The following DISC1 variants were observed in gnomAD, a reference collection of about 807,000 sequenced individuals.
The protein encoded by DISC1 is DISC1 scaffold protein.
Under a neutral mutation model 84.5 loss-of-function variants are expected in DISC1, and 57 were observed. That is an observed-to-expected ratio of 0.67 (90% CI 0.55 to 0.84). The LOEUF (loss-of-function observed/expected upper bound fraction) is 0.84, where lower values mean the gene tolerates loss of function less well. Among genes scored for constraint, DISC1 ranks in the 40% least tolerant of loss-of-function variants. DISC1 has a pLI of 0.00. For synonymous variants in DISC1, 411 were observed against 415.2 expected (o/e 0.99, Z 0.12); for missense variants, 1,000 against 1,057.8 (o/e 0.95, Z 0.76).
Position 232,009,366 on chromosome 1 carries a change from TATA to T in DISC1, c.2307+318_2307+320del. The T allele has an allele frequency of 1.1e-6, 1 of 889,032 alleles. No individual in the cohort carries two copies. Among genetic ancestry groups the T allele is most frequent in the South Asian group, 3.6e-5 (1 of 27,446 alleles). The allele number at this position is 889,032 out of a possible 1,614,324, so 55.1% of individuals were successfully genotyped here. On this transcript the variant is annotated intron_variant, in intron 11 of 12. Transcript: ENST00000439617. This position sits in a 1 kb window ranked among gnomAD's most constrained non-coding sequence, Gnocchi z 4.6. ...CATACATTATATATGTCATATATAA[TATA>T]GTTATTATATTCACTATAGATTATA...
chr1:231,987,344 G>A (rs1252900370), intron 10 of DISC1, among the ~76,000 whole-genome samples: 1 of 152,124 alleles, frequency 6.6e-6, no homozygotes, highest in South Asian at 2.1e-4. Context: ...TGCCTTCATC[G>A]TCAGCTGAAA....
chr1:231,950,028 C>T (rs1658033415), intron 9 of DISC1, among the ~76,000 whole-genome samples: 2 of 152,160 alleles, frequency 1.3e-5, no homozygotes, highest in African/African-American at 4.8e-5. Context: ...TAATGATGCA[C>T]ATGGAGCATC....
chr1:231,877,831 A>G (rs1304943943), intron 9 of DISC1, among the ~76,000 whole-genome samples: 1 of 152,246 alleles, frequency 6.6e-6, no homozygotes, highest in African/African-American at 2.4e-5. Flanking sequence ...ATGTGCATGG[A>G]ATCAGCTTAT....
rs570030654 is a variant in DISC1, at chr1:231,630,689, T to A, written c.67+3755T>A. Among the ~76,000 whole-genome samples the A allele has an allele frequency of 6.6e-6, 1 of 152,332 alleles. No individual in the cohort carries two copies. Among genetic ancestry groups the A allele is most frequent in the African/African-American group, 2.4e-5 (1 of 41,574 alleles). ...GTCTTCCGTTGTTAGTTCCTAACTT[T>A]AATGACTTTGTGGTAAAAATTCCTT... On this transcript the variant is annotated intron_variant, in intron 1 of 12. Coordinates refer to ENST00000439617, the MANE Select transcript of DISC1 (RefSeq NM_018662.3). The surrounding 1 kb of genome is among the most constrained non-coding windows in gnomAD (Gnocchi z 4.4).
At chr1:231,742,764 G>T (rs2073462059) in intron 3 of DISC1, among the ~76,000 whole-genome samples, 1 of 148,790 alleles carries the variant, frequency 6.7e-6, no homozygotes, top group African/African-American at 2.5e-5. Flanking sequence ...AATAAAAAAA[G>T]CTAGGTGTGG....
intron 3 of DISC1, among the ~76,000 whole-genome samples, chr1:231,739,015 G>C (rs745866013): frequency 4.0e-4 from 61 of 152,302 alleles, no homozygotes; most frequent in Non-Finnish European, 7.4e-4. Context: ...AGGAGCTCTG[G>C]TTCCTTGTAT....
At chr1:231,950,768 T>C (rs1236517735) in intron 9 of DISC1, among the ~76,000 whole-genome samples, 1 of 152,244 alleles carries the variant, frequency 6.6e-6, no homozygotes, top group African/African-American at 2.4e-5. Context: ...ACCTGGGCTT[T>C]ATCTACTATA....
chr1:231,764,697 G>A (rs944091778), intron 4 of DISC1, among the ~76,000 whole-genome samples: 1 of 152,104 alleles, frequency 6.6e-6, no homozygotes, highest in African/African-American at 2.4e-5. Context: ...GATTTTTGTA[G>A]CCGATCTTTG....
chr1:231,701,035 A>T (rs2066351870), intron 2 of DISC1, among the ~76,000 whole-genome samples: 1 of 152,210 alleles, frequency 6.6e-6, no homozygotes, highest in Non-Finnish European at 1.5e-5. Context: ...CTGCTAATAA[A>T]GACGTACCCA....
At chr1:231,689,730 T>C (rs1236804573) in intron 1 of DISC1, among the ~76,000 whole-genome samples, 1 of 152,240 alleles carries the variant, frequency 6.6e-6, no homozygotes, top group East Asian at 1.9e-4. Flanking sequence ...TCTTCTCTGA[T>C]ATACTGTAAA....
chr1:231,655,459 T>C (rs974684550), intron 1 of DISC1, among the ~76,000 whole-genome samples: 12 of 152,232 alleles, frequency 7.9e-5, no homozygotes, highest in Non-Finnish European at 7.3e-5. Flanking sequence ...TAGTATTCCA[T>C]GGTGTATATA....
At chr1:231,961,398 A>G (rs1231543955) in intron 10 of DISC1, among the ~76,000 whole-genome samples, 1 of 152,070 alleles carries the variant, frequency 6.6e-6, no homozygotes, top group Non-Finnish European at 1.5e-5. Flanking sequence ...TTCAACTTTT[A>G]TTTTAGATTC....
intron 1 of DISC1, among the ~76,000 whole-genome samples, chr1:231,669,228 T>C (rs979903717): frequency 6.6e-6 from 1 of 152,138 alleles, no homozygotes; most frequent in Non-Finnish European, 1.5e-5. Context: ...TTAGATGTCT[T>C]TATGTTGGTG....
chr1:231,815,385 T>C (rs1359968081), intron 8 of DISC1, among the ~76,000 whole-genome samples: 1 of 152,168 alleles, frequency 6.6e-6, no homozygotes, highest in African/African-American at 2.4e-5. Context: ...GGATTAATTT[T>C]GGCTGTTCTA....
intron 1 of DISC1, among the ~76,000 whole-genome samples, chr1:231,655,455 T>G (rs774017392): frequency 6.6e-6 from 1 of 152,224 alleles, no homozygotes; most frequent in Admixed American, 6.5e-5. Flanking sequence ...TAACTAGTAT[T>G]CCATGGTGTA....
intron 8 of DISC1, 38 bp from the exon 9 acceptor site, chr1:231,818,291 G>T (rs2081232672): frequency 6.2e-7 from 1 of 1,604,546 alleles, no homozygotes; most frequent in Non-Finnish European, 8.5e-7. Flanking sequence ...ATGCTGTAAA[G>T]CTTGTTTTCC....
chr1:231,683,261 A>G (rs1355993213), intron 1 of DISC1, among the ~76,000 whole-genome samples: 1 of 152,176 alleles, frequency 6.6e-6, no homozygotes, highest in African/African-American at 2.4e-5. Flanking sequence ...AGGATGTTAA[A>G]TAGGACTTTT....
At chr1:231,798,065 C>T (rs930323296) in intron 7 of DISC1, among the ~76,000 whole-genome samples, 1 of 150,578 alleles carries the variant, frequency 6.6e-6, no homozygotes, top group African/African-American at 2.4e-5. Context: ...GAGCTGAGAC[C>T]AAGGTCTCAG....
intron 3 of DISC1, among the ~76,000 whole-genome samples, chr1:231,733,432 ATGGTGGTGATGGTGGTGATTGTAGAAG>A (rs553642183): frequency 0.023 from 3,148 of 138,468 alleles, 49 homozygotes; most frequent in Middle Eastern, 0.049. Context: ...GGTTGTAGGA[ATGGTGGTGATGGTGGTGATTGTAGAAG>A]TGGTGGTGAT....
Sources: gnomAD v4.1 joint callset for allele counts (sites outside exome capture counted in the v4.1 genomes callset) on GRCh38, gnomAD v4.1.1 for gene constraint, Gnocchi (gnomAD v3.1) non-coding constraint, MANE v1.5 for transcripts, NCBI Gene and HGNC (gene_info 2026-07-23, HGNC 2026-07-21) for gene names.